TAF2: variants seen among roughly 807,000 people sequenced by gnomAD.
The protein encoded by TAF2 is TATA-box binding protein associated factor 2.
Under a neutral mutation model 138.5 loss-of-function variants are expected in TAF2, and 61 were observed. That is an observed-to-expected ratio of 0.44 (90% CI 0.36 to 0.54). The LOEUF (loss-of-function observed/expected upper bound fraction) is 0.54, where lower values mean the gene tolerates loss of function less well. TAF2 is among the 20% of genes least tolerant of loss of function. TAF2 has a pLI of 0.00. For missense variants in TAF2, 1,090 were observed against 1,427.9 expected (o/e 0.76, Z 3.81); for synonymous variants, 475 against 469.9 (o/e 1.01, Z -0.14).
chr8:119,827,753 T>C (rs1204100678), intron 2 of TAF2, among the ~76,000 whole-genome samples: 6 of 113,742 alleles, frequency 5.3e-5, no homozygotes, highest in African/African-American at 2.1e-4. Flanking sequence ...TTTTTTTTTT[T>C]GGAGCAGGGG....
Position 119,783,632 on chromosome 8 carries a change from C to T in TAF2, c.1861G>A (p.Ala621Thr). The change falls in exon 16 of 26, where the codon GCT becomes ACT. Residue 621 changes from alanine to threonine, a missense_variant and splice_region_variant. Physicochemically the swap from Ala to Thr is moderately conservative, Grantham distance 58. This residue lies in a region of TAF2 where 580 missense variants were observed against 719.6 expected (regional missense o/e 0.81). Transcript: ENST00000378164. The stretch of plus-strand genomic sequence containing the variant: ...CTTATCCACAGCAAAGGGGAATCAG[C>T]ACTGCAAGAAAATACAATTTTCTTT... ...EVDMDLSAMD[A>T]DSPLLWIRID... 2 of 1,613,392 alleles carry T rather than the reference C, an allele frequency of 1.2e-6. No homozygotes were observed. Among genetic ancestry groups the T allele is most frequent in the Non-Finnish European group, 1.7e-6 (2 of 1,179,620 alleles).
intron 19 of TAF2, among the ~76,000 whole-genome samples, 166 bp downstream of exon 19, chr8:119,762,246 TAGA>T (rs1383830482): frequency 6.6e-6 from 1 of 152,222 alleles, no homozygotes; most frequent in Non-Finnish European, 1.5e-5. Flanking sequence ...AGAAAAAATT[TAGA>T]AGGACATTCT....
At chr8:119,738,393 C>A (rs1819376402) in intron 25 of TAF2, among the ~76,000 whole-genome samples, 1 of 152,118 alleles carries the variant, frequency 6.6e-6, no homozygotes, top group African/African-American at 2.4e-5. Context: ...TTTCACATAT[C>A]CTTTCAGGGA....
chr8:119,731,936 G>A lies in TAF2; in HGVS notation c.3588C>T (p.Ser1196=). ...PASGRSIRSP[S]LSD The stretch of plus-strand genomic sequence containing the variant: ...TTTTGTCCCCTTCTCAGTCTGAAAG[G>A]GAAGGAGAACGAATAGACCTGCCAC... The change falls in exon 26 of 26, where the codon TCC becomes TCT. Residue 1196 remains serine, a synonymous_variant. Coordinates refer to ENST00000378164, the MANE Select transcript of TAF2 (RefSeq NM_003184.4). The A allele has an allele frequency of 1.4e-5, 23 of 1,614,154 alleles. No homozygotes were observed. Among genetic ancestry groups the A allele is most frequent in the Non-Finnish European group, 1.9e-5 (23 of 1,180,006 alleles).
chr8:119,741,311 G>C (rs1412540307), intron 25 of TAF2, among the ~76,000 whole-genome samples: 1 of 152,012 alleles, frequency 6.6e-6, no homozygotes, highest in African/African-American at 2.4e-5. Context: ...TTTTTTAAAG[G>C]TAAGCAGAAG....
At chr8:119,801,458 T>C (rs1423220759) in intron 6 of TAF2, among the ~76,000 whole-genome samples, 1 of 150,158 alleles carries the variant, frequency 6.7e-6, no homozygotes, top group African/African-American at 2.5e-5. Flanking sequence ...TTTTGAGATG[T>C]CGCTCTGTCA....
At chr8:119,829,182 A>G (rs1826284757) in intron 2 of TAF2, among the ~76,000 whole-genome samples, 1 of 152,196 alleles carries the variant, frequency 6.6e-6, no homozygotes, top group Non-Finnish European at 1.5e-5. Context: ...TACGAGTTGC[A>G]TTAACTGGGC....
intron 18 of TAF2, among the ~76,000 whole-genome samples, chr8:119,774,532 G>C (rs1429136244): frequency 6.6e-6 from 1 of 150,734 alleles, no homozygotes; most frequent in Non-Finnish European, 1.5e-5. Context: ...GTTAGTGTTA[G>C]CGTATTTTAC....
At chr8:119,771,564 A>ATG (rs1821841043) in intron 18 of TAF2, among the ~76,000 whole-genome samples, 1 of 152,164 alleles carries the variant, frequency 6.6e-6, no homozygotes, top group African/African-American at 2.4e-5. Flanking sequence ...ATCAGATAAA[A>ATG]TAGACTTTAA....
intron 17 of TAF2, among the ~76,000 whole-genome samples, chr8:119,779,004 CAA>C (rs1822456597): frequency 6.6e-6 from 1 of 152,112 alleles, no homozygotes; most frequent in African/African-American, 2.4e-5. Context: ...GCAGAGATAA[CAA>C]GAGCAACAAC....
chr8:119,812,624 C>T, intron 3 of TAF2, among the ~76,000 whole-genome samples: 1 of 152,088 alleles, frequency 6.6e-6, no homozygotes, highest in East Asian at 1.9e-4. Flanking sequence ...TTTTCCATTT[C>T]CGAGTTACTT....
chr8:119,758,836 T>C (rs983472645), intron 20 of TAF2, among the ~76,000 whole-genome samples: 1 of 152,178 alleles, frequency 6.6e-6, no homozygotes, highest in Admixed American at 6.5e-5. Flanking sequence ...TCTGAAGTCA[T>C]AGTTCACATT....
Position 119,797,713 on chromosome 8 carries a change from A to G in TAF2, c.926T>C (p.Ile309Thr). ...AGCCACTTCAACATAAGCCTCATCAATGAAGACAGTCTTAAAACAGGAGTA... is the reference window on the plus strand; with the variant it reads ...AGCCACTTCAACATAAGCCTCATCAGTGAAGACAGTCTTAAAACAGGAGTA... ...YPYSCFKTVF[I>T]DEAYVEVAAY... Residue 309 changes from isoleucine to threonine, a missense_variant, in exon 7 of 26, where the codon ATT becomes ACT. Around this residue, in one of 3 missense-constraint regions of TAF2, gnomAD observed 504 missense variants for 680.9 expected, o/e 0.74. Coordinates refer to ENST00000378164, the MANE Select transcript of TAF2 (RefSeq NM_003184.4). 1 of 1,613,650 alleles carries G rather than the reference A, an allele frequency of 6.2e-7. No individual in the cohort carries two copies. Among genetic ancestry groups the G allele is most frequent in the Non-Finnish European group, 8.5e-7 (1 of 1,179,732 alleles).
At chr8:119,760,822 T>A in intron 19 of TAF2, 84 bp from the exon 20 acceptor site, 1 of 1,572,726 alleles carries the variant, frequency 6.4e-7, no homozygotes, top group Middle Eastern at 1.7e-4. Flanking sequence ...GAATCCTTTG[T>A]GGCAATCAAT....
chr8:119,755,354 G>A (rs556029819), intron 22 of TAF2, among the ~76,000 whole-genome samples: 4 of 152,138 alleles, frequency 2.6e-5, no homozygotes, highest in African/African-American at 7.2e-5. Flanking sequence ...AAAATTAGCC[G>A]GGCATGGTGG....
At chr8:119,788,961 A>T in intron 12 of TAF2, 57 bp from the exon 13 acceptor site, 1 of 1,128,318 alleles carries the variant, frequency 8.9e-7, no homozygotes, top group Non-Finnish European at 1.4e-6. Flanking sequence ...TAAACAAAGT[A>T]AGTTATCCAT....
intron 2 of TAF2, among the ~76,000 whole-genome samples, chr8:119,830,283 T>C (rs907309292): frequency 9.9e-5 from 15 of 152,188 alleles, no homozygotes; most frequent in Non-Finnish European, 4.4e-5. Context: ...AGGGTAATTA[T>C]GAAGATTAAG....
chr8:119,790,530 A>G (rs1456098206), intron 11 of TAF2, among the ~76,000 whole-genome samples: 1 of 152,188 alleles, frequency 6.6e-6, no homozygotes, highest in Non-Finnish European at 1.5e-5. Flanking sequence ...CTTTAAAAAA[A>G]GCATTATTTT....
intron 3 of TAF2, among the ~76,000 whole-genome samples, chr8:119,812,830 C>T (rs1227019041): frequency 6.7e-6 from 1 of 149,830 alleles, no homozygotes; most frequent in African/African-American, 2.5e-5. Flanking sequence ...CACACCATTT[C>T]CTTTATCCAC....
Sources: gnomAD v4.1 joint callset for allele counts (sites outside exome capture counted in the v4.1 genomes callset) on GRCh38, gnomAD v4.1.1 for gene constraint, gnomAD v4.1.1 regional missense constraint, MANE v1.5 for transcripts, NCBI Gene and HGNC (gene_info 2026-07-23, HGNC 2026-07-21) for gene names.